The following CSMD1 variants were observed in gnomAD, a reference collection of about 807,000 sequenced individuals.
The protein encoded by CSMD1 is CUB and sushi domain-containing protein 1.
CSMD1 carries 213 observed loss-of-function variants against 417.5 expected under a neutral mutation model. The ratio of observed to expected loss-of-function variants is 0.51; its 90% CI spans 0.46 to 0.57. The LOEUF (loss-of-function observed/expected upper bound fraction) is 0.57, where lower values mean the gene tolerates loss of function less well. CSMD1 is among the 20% of genes least tolerant of loss of function. The probability of loss-of-function intolerance (pLI) is 0.00; values close to 1 mark genes in which losing one functional copy is unlikely to be tolerated. For synonymous variants in CSMD1, 2,862 were observed against 1,736.8 expected (o/e 1.65, Z -16.11); for missense variants, 6,923 against 4,529.7 (o/e 1.53, Z -15.17).
chr8:4,127,479 A>G (rs1385401183), intron 3 of CSMD1, among the ~76,000 whole-genome samples: 1 of 96,774 alleles, frequency 1.0e-5, no homozygotes, highest in Non-Finnish European at 2.4e-5. Context: ...AAAAAAAAAA[A>G]GAAAATCATA....
intron 12 of CSMD1, among the ~76,000 whole-genome samples, chr8:3,445,754 C>A (rs1296226003): frequency 1.3e-5 from 2 of 152,032 alleles, no homozygotes; most frequent in African/African-American, 4.8e-5. Context: ...AGAACAAGAA[C>A]AAAGCCATGT....
chr8:4,154,703 A>C (rs888533728), intron 3 of CSMD1, among the ~76,000 whole-genome samples: 3 of 152,234 alleles, frequency 2.0e-5, no homozygotes, highest in African/African-American at 7.2e-5. Context: ...ACGTACAAGG[A>C]AAAAGAGATC....
intron 3 of CSMD1, among the ~76,000 whole-genome samples, chr8:4,331,883 A>G (rs1465521328): frequency 2.0e-5 from 3 of 152,182 alleles, no homozygotes; most frequent in Non-Finnish European, 4.4e-5. Flanking sequence ...ATACATAGCT[A>G]GAGAGTTTAA....
At chr8:3,562,080 G>C in intron 10 of CSMD1, among the ~76,000 whole-genome samples, 1 of 151,524 alleles carries the variant, frequency 6.6e-6, no homozygotes, top group East Asian at 1.9e-4. Context: ...GTAAAAATTC[G>C]GTACCTTCTT....
At chr8:4,814,746 A>G (rs929331197) in intron 1 of CSMD1, among the ~76,000 whole-genome samples, 1 of 152,156 alleles carries the variant, frequency 6.6e-6, no homozygotes, top group African/African-American at 2.4e-5. Flanking sequence ...TTGTCCTAAC[A>G]TTGAGATCAT....
intron 1 of CSMD1, among the ~76,000 whole-genome samples, chr8:4,910,286 TATA>T (rs1418409269): frequency 6.6e-6 from 1 of 152,250 alleles, no homozygotes; most frequent in Non-Finnish European, 1.5e-5. Context: ...AGTCAACGCA[TATA>T]TCTTGATTTA....
chr8:4,984,488 G>A (rs2924726), intron 1 of CSMD1, among the ~76,000 whole-genome samples: 61,568 of 152,062 alleles, frequency 0.4, 14,010 homozygotes, highest in African/African-American at 0.62. Context: ...CCTGCTTGAC[G>A]TTTCAACTGG....
At chr8:3,397,087 T>G (rs11136619) in intron 16 of CSMD1, among the ~76,000 whole-genome samples, 62,798 of 151,892 alleles carry the variant, frequency 0.41, 13,268 homozygotes, top group Middle Eastern at 0.47. Context: ...TGCAGCCACT[T>G]GGCTCCCCTG....
chr8:4,935,184 C>T (rs1466368472), intron 1 of CSMD1, among the ~76,000 whole-genome samples: 1 of 152,234 alleles, frequency 6.6e-6, no homozygotes, highest in Non-Finnish European at 1.5e-5. Context: ...ATGGGCCATG[C>T]TGTTTCACAG....
chr8:4,132,206 TTTTTTTTTTC>T (rs1167635074), intron 3 of CSMD1, among the ~76,000 whole-genome samples: 3 of 43,726 alleles, frequency 6.9e-5, no homozygotes, highest in African/African-American at 1.6e-4. Flanking sequence ...TTTTTTTTTT[TTTTTTTTTTC>T]ACGGGGTAGT....
At chr8:3,787,042 G>C (rs989654218) in intron 5 of CSMD1, among the ~76,000 whole-genome samples, 1 of 152,150 alleles carries the variant, frequency 6.6e-6, no homozygotes, top group East Asian at 1.9e-4. Flanking sequence ...TTCTATGTGT[G>C]AAGTGTCATA....
intron 3 of CSMD1, among the ~76,000 whole-genome samples, chr8:4,315,617 G>A (rs1257470269): frequency 6.6e-6 from 1 of 151,984 alleles, no homozygotes; most frequent in East Asian, 1.9e-4. Flanking sequence ...AAGTAAACTT[G>A]GTTTCCAAAG....
chr8:4,567,703 T>G (rs538052475), intron 2 of CSMD1, among the ~76,000 whole-genome samples: 5 of 152,282 alleles, frequency 3.3e-5, no homozygotes, highest in African/African-American at 1.2e-4. Flanking sequence ...ACATTATAGC[T>G]GGGCCAATTC....
chr8:4,369,689 G>C (rs186443946), intron 3 of CSMD1, among the ~76,000 whole-genome samples: 3 of 152,214 alleles, frequency 2.0e-5, no homozygotes, highest in South Asian at 2.1e-4. Context: ...TTATCATTAC[G>C]TAATGCCCTT....
intron 1 of CSMD1, among the ~76,000 whole-genome samples, chr8:4,844,296 C>G (rs1472005380): frequency 6.6e-6 from 1 of 152,058 alleles, no homozygotes; most frequent in Non-Finnish European, 1.5e-5. Context: ...TAAATGTCCT[C>G]CAGCATCAGT....
At position 4,352,950 on chromosome 8, in the gene CSMD1, G is replaced by A. The variant is rs553901421; in HGVS notation, c.415+67003C>T. ...TTATAAGTAAATACGAGCTTGTAGG[G>A]CTAATTATGGTAAATTCTACCAAGC... On this transcript the variant is annotated intron_variant, in intron 3 of 69. Coordinates refer to ENST00000635120, the MANE Select transcript of CSMD1 (RefSeq NM_033225.6). Among the ~76,000 whole-genome samples, 3 of 152,266 alleles carry A rather than the reference G, an allele frequency of 2.0e-5. No homozygotes were observed. In the East Asian group the frequency reaches 5.8e-4, roughly 29 times the overall value.
At chr8:4,205,447 G>T (rs540870903) in intron 3 of CSMD1, among the ~76,000 whole-genome samples, 2 of 152,026 alleles carry the variant, frequency 1.3e-5, no homozygotes, top group African/African-American at 4.8e-5. Flanking sequence ...TTCATGATGC[G>T]CCCATTTATA....
chr8:4,805,760 T>C (rs1798551960), intron 1 of CSMD1, among the ~76,000 whole-genome samples: 1 of 152,186 alleles, frequency 6.6e-6, no homozygotes, highest in Non-Finnish European at 1.5e-5. Flanking sequence ...CATATTCCAT[T>C]AATGAATACA....
At chr8:4,110,492 C>T (rs1056101381) in intron 3 of CSMD1, among the ~76,000 whole-genome samples, 2 of 152,106 alleles carry the variant, frequency 1.3e-5, no homozygotes, top group Admixed American at 6.5e-5. Context: ...GTTAACTTTT[C>T]ATATATTATT....
Sources: allele counts gnomAD v4.1 joint callset (sites outside exome capture counted in the v4.1 genomes callset), GRCh38; gene constraint gnomAD v4.1.1; transcripts MANE v1.5; gene names NCBI Gene and HGNC (gene_info 2026-07-23, HGNC 2026-07-21).